NXF3: variants seen among roughly 807,000 people sequenced by gnomAD.
NXF3 encodes the protein TAP-like protein 3.
NXF3 carries 34 observed loss-of-function variants against 48.4 expected under a neutral mutation model. That is an observed-to-expected ratio of 0.70 (90% CI 0.53 to 0.93). The LOEUF (loss-of-function observed/expected upper bound fraction) is 0.93, where lower values mean the gene tolerates loss of function less well. NXF3 is among the 40% of genes least tolerant of loss of function. The pLI, the probability that NXF3 is intolerant of heterozygous loss-of-function variation, is 0.00. For synonymous variants in NXF3, 132 were observed against 145.7 expected (o/e 0.91, Z 0.68); for missense variants, 359 against 406.1 (o/e 0.88, Z 1.00).
intron 18 of NXF3, among the ~76,000 whole-genome samples, chrX:103,077,057 G>A (rs1477136700): frequency 9.0e-6 from 1 of 110,806 alleles, no homozygotes; most frequent in East Asian, 2.8e-4. Context: ...ACAGAATTCA[G>A]AGAAGTACTG....
chrX:103,082,812 G>A lies in NXF3; in HGVS notation c.728C>T (p.Pro243Leu). 1 of 1,210,422 alleles carries A rather than the reference G, an allele frequency of 8.3e-7. No homozygotes were observed. Among genetic ancestry groups the A allele is most frequent in the South Asian group, 1.8e-5 (1 of 56,929 alleles). Residue 243 changes from proline to leucine, a missense_variant, in exon 8 of 20, where the codon CCT becomes CTT. Coordinates refer to ENST00000395065, the MANE Select transcript of NXF3 (RefSeq NM_022052.2). The stretch of plus-strand genomic sequence containing the variant: ...CAGGGAGGCAGCCATGCACTTTCTA[G>A]GATTCGATGCCATCTTAGTATCACG... ...VNRDTKMASNPRKCMAASLDV... is the reference protein window; with the variant it reads ...VNRDTKMASNLRKCMAASLDV...
At chrX:103,091,076 G>A (rs1428456771) in intron 1 of NXF3, among the ~76,000 whole-genome samples, 1 of 112,047 alleles carries the variant, frequency 8.9e-6, no homozygotes, top group Non-Finnish European at 1.9e-5. Context: ...ATTTTTCTAA[G>A]CAATTTATGT....
chrX:103,083,276 G>T lies in NXF3; in HGVS notation c.541-3C>A, dbSNP rs202173681. On this transcript the variant is annotated splice_region_variant and splice_polypyrimidine_tract_variant and intron_variant, in intron 5 of 19. Coordinates refer to ENST00000395065, the MANE Select transcript of NXF3 (RefSeq NM_022052.2). ...GCAGGGTTGACAAAGATTGATATCT[G>T]CAGAGAACCCAAGAGGGGCTGAGTA... is the stretch of plus-strand genomic sequence containing the variant. The T allele has an allele frequency of 1.8e-5, 22 of 1,206,635 alleles. No homozygotes were observed. In the Admixed American group the frequency reaches 4.4e-4, roughly 24 times the overall value.
Position 103,083,618 on chromosome X carries a change from G to A in NXF3, c.426C>T (p.Val142=), listed in dbSNP as rs1173023741. The part of the protein sequence containing the change: ...LIQNECSVPF[V]PVEFHYENMH... ...CACGGTCCTTTCTTACCTCAACTGG[G>A]ACGAAGGGTACACTGCATTCATTCT... The change falls in exon 4 of 20, where the codon GTC becomes GTT. Residue 142 remains valine, a synonymous_variant. Transcript: ENST00000395065. 3 of 1,208,209 alleles carry A rather than the reference G, an allele frequency of 2.5e-6. No homozygotes were observed. The Admixed American group carries it at 6.5e-5, about 26-fold the overall frequency.
chrX:103,089,159 A>G, intron 1 of NXF3: 2 of 747,699 alleles, frequency 2.7e-6, no homozygotes, highest in Non-Finnish European at 4.2e-6. Flanking sequence ...GGCAGAAACT[A>G]TTTGAATGCT....
rs776156749 is a variant in NXF3 at position 103,083,507 on chromosome X, A to G, written c.436-5T>C. Reference sequence around the variant, plus strand: ...ATGCATGTTTTCATAGTGAAACTATAGGGAGAGTTGCAAGAGAAATGAAAT... The same window carrying G: ...ATGCATGTTTTCATAGTGAAACTATGGGGAGAGTTGCAAGAGAAATGAAAT... On this transcript the variant is annotated splice_region_variant and splice_polypyrimidine_tract_variant and intron_variant, in intron 4 of 19. Coordinates refer to ENST00000395065, the MANE Select transcript of NXF3 (RefSeq NM_022052.2). 13 of 1,195,894 alleles carry G rather than the reference A, an allele frequency of 1.1e-5. No homozygotes were observed. Among genetic ancestry groups the G allele is most frequent in the Non-Finnish European group, 1.1e-6 (1 of 882,076 alleles).
intron 1 of NXF3, among the ~76,000 whole-genome samples, chrX:103,085,672 G>A (rs1247520273): frequency 9.0e-6 from 1 of 110,982 alleles, no homozygotes; most frequent in Non-Finnish European, 1.9e-5. Context: ...GGGAAGCCGA[G>A]GTAGGTGTAT....
In NXF3 at chrX:103,076,306, G is replaced by T; in HGVS notation, c.1585-5C>A. The T allele has an allele frequency of 5.8e-6, 7 of 1,210,434 alleles. No individual in the cohort carries two copies. Among genetic ancestry groups the T allele is most frequent in the Non-Finnish European group, 7.8e-6 (7 of 894,314 alleles). ...CACTGGTTGTTACGAAGGCAGCTGTGGTGGAGGAAGGACAGGTAACATCCA... is the reference window on the plus strand; with the variant it reads ...CACTGGTTGTTACGAAGGCAGCTGTTGTGGAGGAAGGACAGGTAACATCCA... On this transcript the variant is annotated splice_region_variant and splice_polypyrimidine_tract_variant and intron_variant, in intron 18 of 19. Coordinates refer to ENST00000395065, the MANE Select transcript of NXF3 (RefSeq NM_022052.2).
intron 12 of NXF3, 32 bp from the exon 13 acceptor site, chrX:103,079,902 T>C (rs1350727178): frequency 8.5e-7 from 1 of 1,181,687 alleles, no homozygotes; most frequent in East Asian, 3.0e-5. Context: ...AGGCTATCTC[T>C]GTGGCCTGGG....
At chrX:103,089,066 T>C in intron 1 of NXF3, 2 of 1,085,945 alleles carry the variant, frequency 1.8e-6, no homozygotes, top group South Asian at 1.8e-5. Context: ...AGAAAAATGA[T>C]GTCTTCCTGT....
At position 103,092,938 on chromosome X, in the gene NXF3, GC is replaced by G. The variant is rs1922313721; in HGVS notation, c.28+57del. On this transcript the variant is annotated intron_variant, in intron 1 of 19. Coordinates refer to ENST00000395065, the MANE Select transcript of NXF3 (RefSeq NM_022052.2). ...GGGTTAGGGTAAGGTGGGGAAGGGG[GC>G]TCAGTCCCTTTTGCCCTGTGAGACC... 5.4e-6 allele frequency: 6 copies of G among 1,112,459 alleles called. No homozygotes were observed. In the East Asian group the frequency reaches 1.8e-4, roughly 33 times the overall value. 91.7% of individuals were successfully genotyped at this position (1,112,459 alleles called of 1,213,427 possible).
chrX:103,089,349 G>T, intron 1 of NXF3: 1 of 338,713 alleles, frequency 3.0e-6, no homozygotes, highest in Non-Finnish European at 5.1e-6. Flanking sequence ...TTTAAAATGC[G>T]TTTTTATCAA....
At chrX:103,088,742 A>T in intron 1 of NXF3, 1 of 1,080,794 alleles carries the variant, frequency 9.3e-7, no homozygotes, top group Non-Finnish European at 1.2e-6. Flanking sequence ...AATCTTTTAG[A>T]CAGTCAGCTC....
chrX:103,087,646 T>C, intron 1 of NXF3: 2 of 999,395 alleles, frequency 2.0e-6, no homozygotes, highest in Non-Finnish European at 2.8e-6. Flanking sequence ...ATCCCACATA[T>C]AGCATGAAGA....
chrX:103,090,386 G>A (rs1170197650), intron 1 of NXF3, among the ~76,000 whole-genome samples: 3 of 112,030 alleles, frequency 2.7e-5, no homozygotes, highest in Non-Finnish European at 5.6e-5. Flanking sequence ...TGCTTGTAGA[G>A]TTGTGGGTAT....
chrX:103,080,357 C>T (rs189686555), intron 10 of NXF3, 141 bp from the exon 11 acceptor site: 21 of 671,806 alleles, frequency 3.1e-5, no homozygotes, highest in East Asian at 6.6e-5. Flanking sequence ...AGACTACAGT[C>T]GGGATTGCCG....
At position 103,084,376 on chromosome X, in the gene NXF3, G is replaced by A. The variant is rs778895565; in HGVS notation, c.317C>T (p.Pro106Leu). Residue 106 changes from proline to leucine, a missense_variant, in exon 3 of 20, where the codon CCG (proline) becomes CTG (leucine). Coordinates refer to ENST00000395065, the MANE Select transcript of NXF3 (RefSeq NM_022052.2). ...PPERRMEGNMPDGTLGSWFKI... is the reference protein window; with the variant it reads ...PPERRMEGNMLDGTLGSWFKI... ...GAACCAGCTCCCTAAGGTCCCATCC[G>A]GCATGTTCCCCTCCATTCTTCTCTC... 1.7e-5 allele frequency: 21 copies of A among 1,209,387 alleles called. No individual in the cohort carries two copies. Among genetic ancestry groups the A allele is most frequent in the South Asian group, 1.1e-4 (6 of 56,768 alleles).
At chrX:103,085,900 CAAAAAAAA>C (rs56135590) in intron 1 of NXF3, among the ~76,000 whole-genome samples, 13 of 43,532 alleles carry the variant, frequency 3.0e-4, no homozygotes, top group Admixed American at 1.6e-3. Context: ...GAGACTCTGT[CAAAAAAAA>C]AAAAAAAAAA....
chrX:103,085,016 G>C, intron 1 of NXF3, 133 bp from the exon 2 acceptor site: 1 of 590,200 alleles, frequency 1.7e-6, no homozygotes, highest in Admixed American at 3.0e-5. Context: ...CCAGACTGTA[G>C]TGCAGTGGCA....
Sources: allele counts gnomAD v4.1 joint callset (sites outside exome capture counted in the v4.1 genomes callset), GRCh38; gene constraint gnomAD v4.1.1; transcripts MANE v1.5; gene names NCBI Gene and HGNC (gene_info 2026-07-23, HGNC 2026-07-21).